MAZ: variants seen among roughly 807,000 people sequenced by gnomAD.
MAZ encodes the protein MYC associated zinc finger protein.
In MAZ, 4 loss-of-function variants were observed where a neutral mutation model predicts 32.7. That is an observed-to-expected ratio of 0.12 (90% CI 0.06 to 0.28). The LOEUF (loss-of-function observed/expected upper bound fraction) is 0.28, where lower values mean the gene tolerates loss of function less well. Ranked by LOEUF, MAZ falls within the 10% of genes least tolerant of loss-of-function variation. MAZ has a pLI of 1.00. For synonymous variants in MAZ, 510 were observed against 297.6 expected (o/e 1.71, Z -7.35); for missense variants, 763 against 667.2 (o/e 1.14, Z -1.58).
chr16:29,809,596 G>T (rs771661454), intron 4 of MAZ: 1 of 1,612,366 alleles, frequency 6.2e-7, no homozygotes, highest in Non-Finnish European at 8.5e-7. Context: ...CGGGCTCCAG[G>T]CCCCGCGGGC....
rs1162405307 is a variant in MAZ at position 29,809,248 on chromosome 16, C to T, written c.1279+507C>T. 2.2e-5 allele frequency: 12 copies of T among 534,020 alleles called. No individual in the cohort carries two copies. In the East Asian group the frequency reaches 3.3e-4, roughly 15 times the overall value. 33.1% of individuals were successfully genotyped at this position (534,020 alleles called of 1,614,324 possible). A position where few individuals can be genotyped will look rare whatever the true frequency, so the allele number is the denominator to read the frequency against. On this transcript the variant is annotated intron_variant, in intron 4 of 4. Transcript: ENST00000322945. ...CCGTCTCTGCTGAGGGTCAACCCTGCAAGTGGCTAGGAGTCAGTGTCTCGT... is the reference window on the plus strand; with the variant it reads ...CCGTCTCTGCTGAGGGTCAACCCTGTAAGTGGCTAGGAGTCAGTGTCTCGT...
intron 2 of MAZ, 167 bp from the exon 3 acceptor site, chr16:29,808,063 C>A (rs1405079586): frequency 5.1e-6 from 5 of 988,960 alleles, no homozygotes; most frequent in South Asian, 3.0e-5. Context: ...GCGGCGGCGG[C>A]GGCAGCGGCT....
Position 29,810,290 on chromosome 16 carries a change from C to T in MAZ, c.*59C>T, listed in dbSNP as rs538935150. On this transcript the variant is annotated 3_prime_UTR_variant, in exon 5 of 5. Transcript: ENST00000322945. ...GGAGTAGAGTCCCTTGGTACAAGCT[C>T]CTCTCCCCCCTCTTTTCCCACCAAC... 51 of 1,483,106 alleles carry T rather than the reference C, an allele frequency of 3.4e-5. No homozygotes were observed. The African/African-American group carries it at 3.5e-4, about 10-fold the overall frequency. 91.9% of individuals were successfully genotyped at this position (1,483,106 alleles called of 1,614,324 possible).
intron 4 of MAZ, chr16:29,809,080 C>G (rs1271489150): frequency 3.8e-6 from 2 of 524,326 alleles, no homozygotes; most frequent in Non-Finnish European, 3.3e-6. Context: ...AAGGTCTTGT[C>G]TCCAGCTCCT....
At chr16:29,806,948 C>G (rs1277054057) in intron 1 of MAZ, 30 bp from the exon 2 acceptor site, 2 of 1,135,746 alleles carry the variant, frequency 1.8e-6, no homozygotes, top group Non-Finnish European at 2.2e-6. Context: ...CGCCCGCACC[C>G]GCGGCCCACT....
chr16:29,810,163 G>A lies in MAZ; in HGVS notation c.1366G>A (p.Val456Met). 1 of 1,611,662 alleles carries A rather than the reference G, an allele frequency of 6.2e-7. No homozygotes were observed. Among genetic ancestry groups the A allele is most frequent in the Non-Finnish European group, 8.5e-7 (1 of 1,179,170 alleles). The change falls in exon 5 of 5, where the codon GTG becomes ATG. Residue 456 changes from valine to methionine, a missense_variant. Transcript: ENST00000322945. ...AGCAGTAGCAGCCCCTCCCACAGCT[G>A]TGGGCTCCCTCTCGGGGGCGGAGGG... is the stretch of plus-strand genomic sequence containing the variant. ...AAAVAAPPTAVGSLSGAEGVP... is the reference protein window; with the variant it reads ...AAAVAAPPTAMGSLSGAEGVP...
intron 4 of MAZ, chr16:29,809,577 G>C: frequency 1.2e-6 from 2 of 1,612,602 alleles, no homozygotes; most frequent in Non-Finnish European, 1.7e-6. Context: ...TCCACGCGGT[G>C]AAGGACCACG....
Position 29,807,358 on chromosome 16 carries a change from C to G in MAZ, c.573C>G (p.Ile191Met). 6.2e-7 allele frequency: 1 copy of G among 1,612,226 alleles called. No individual in the cohort carries two copies. Among genetic ancestry groups the G allele is most frequent in the South Asian group, 1.1e-5 (1 of 91,060 alleles). Residue 191 changes from isoleucine (I) to methionine (M), a missense_variant, in exon 2 of 5, where the codon ATC (isoleucine) becomes ATG (methionine). Physicochemically the swap from Ile to Met is conservative, Grantham distance 10. Coordinates refer to ENST00000322945, the MANE Select transcript of MAZ (RefSeq NM_002383.4). ...AGACAAAGAGCAAGGGGCCCTACAT[C>G]TGCGCTCTGTGCGCCAAGGAGTTCA... Reference protein sequence around the residue: ...EKKTKSKGPYICALCAKEFKN... With the variant: ...EKKTKSKGPYMCALCAKEFKN...
upstream of MAZ, chr16:29,806,252 C>A (rs1218434815): frequency 1.4e-5 from 3 of 214,320 alleles, no homozygotes; most frequent in Admixed American, 1.2e-4. Context: ...TCCCGTCCCA[C>A]CCCCCCTCCG....
At chr16:29,809,414 A>G in intron 4 of MAZ, 1 of 677,564 alleles carries the variant, frequency 1.5e-6, no homozygotes, top group South Asian at 1.6e-5. Context: ...GCCCCAGGCT[A>G]CCAAGGATAC....
At position 29,807,109 on chromosome 16, in the gene MAZ, C is replaced by A; in HGVS notation, c.324C>A (p.Ala108=). The change falls in exon 2 of 5, where the codon GCC becomes GCA. Residue 108 remains alanine, a synonymous_variant. Transcript: ENST00000322945. Reference sequence around the variant, plus strand: ...CGGCCGCTGCCGCCGCTGCTGCCGCCGTCGCTGCCGCGCCCCCGGCCCCTG... The same window carrying A: ...CGGCCGCTGCCGCCGCTGCTGCCGCAGTCGCTGCCGCGCCCCCGGCCCCTG... The part of the protein sequence containing the change: ...AAAAAAAAAA[A]VAAAPPAPAA... The A allele has an allele frequency of 1.0e-6, 1 of 994,016 alleles. No homozygotes were observed. Among genetic ancestry groups the A allele is most frequent in the African/African-American group, 1.8e-5 (1 of 57,098 alleles). 61.6% of individuals were successfully genotyped at this position (994,016 alleles called of 1,614,324 possible).
Position 29,809,090 on chromosome 16 carries a change from T to G in MAZ, c.1279+349T>G, listed in dbSNP as rs1899746054. On this transcript the variant is annotated intron_variant, in intron 4 of 4. Coordinates refer to ENST00000322945, the MANE Select transcript of MAZ (RefSeq NM_002383.4). ...GCCACAAGGTCTTGTCTCCAGCTCC[T>G]GGGGCAGGTGGAGTACACGGGCCGG... is the stretch of plus-strand genomic sequence containing the variant. 1.5e-5 allele frequency: 8 copies of G among 516,936 alleles called. No homozygotes were observed. The South Asian group carries it at 2.3e-4, about 15-fold the overall frequency. 32.0% of individuals were successfully genotyped at this position (516,936 alleles called of 1,614,324 possible).
chr16:29,810,706 G>T lies in MAZ; in HGVS notation c.*475G>T, dbSNP rs960078084. The T allele has an allele frequency of 2.2e-6, 1 of 448,446 alleles. No individual in the cohort carries two copies. Among genetic ancestry groups the T allele is most frequent in the South Asian group, 2.1e-5 (1 of 47,546 alleles). The allele number at this position is 448,446 out of a possible 1,614,324, so 27.8% of individuals were successfully genotyped here. The stretch of plus-strand genomic sequence containing the variant: ...GGGGAGGGAGGAGAGGAAGGAGGGG[G>T]ATCAGAGCTGTCCCAAAGAGGGAAA... On this transcript the variant is annotated 3_prime_UTR_variant, in exon 5 of 5. Transcript: ENST00000322945.
chr16:29,807,895 C>A, intron 2 of MAZ, 67 bp downstream of exon 2: 2 of 1,564,384 alleles, frequency 1.3e-6, no homozygotes, highest in Non-Finnish European at 1.7e-6. Flanking sequence ...GGTGGCCTGG[C>A]CGTGGCTGGC....
In MAZ at chr16:29,807,216, C is replaced by G; in HGVS notation, c.431C>G (p.Ala144Gly). 7.9e-7 allele frequency: 1 copy of G among 1,259,376 alleles called. No individual in the cohort carries two copies. The highest frequency in any genetic ancestry group is 1.0e-6 in the Non-Finnish European group (1 of 997,070). 78.0% of individuals were successfully genotyped at this position (1,259,376 alleles called of 1,614,324 possible). Residue 144 changes from alanine (A) to glycine (G), a missense_variant, in exon 2 of 5, where the codon GCG becomes GGG. Ala to Gly is a moderately conservative substitution (Grantham distance 60, BLOSUM62 0). Transcript: ENST00000322945. ...CCACCCCCGCCAGTGTCGGCGCCCG[C>G]GGCCGAGGCCGCGCCCCCCGCCTCC... ...PPPPPPVSAP[A>G]AEAAPPASAA...
chr16:29,808,315 G>T, intron 3 of MAZ, 22 bp downstream of exon 3: 1 of 1,609,574 alleles, frequency 6.2e-7, no homozygotes, highest in South Asian at 1.1e-5. Context: ...GCCTCCTCCT[G>T]TCTTGGTTTT....
chr16:29,806,862 C>T lies in MAZ; in HGVS notation c.161C>T (p.Ala54Val), dbSNP rs1260145252. Residue 54 changes from alanine (A) to valine (V), a missense_variant, in exon 1 of 5, where the codon GCC becomes GTC. Physicochemically the swap from Ala to Val is moderately conservative, Grantham distance 64 (BLOSUM62 0). Transcript: ENST00000322945. ...VGAELQSRFF[A>V]SQGCAQSPFQ... Reference sequence around the variant, plus strand: ...GCTGAGCTCCAGTCCCGCTTCTTTGCCTCCCAGGGCTGCGCCCAGAGTCCA... The same window carrying T: ...GCTGAGCTCCAGTCCCGCTTCTTTGTCTCCCAGGGCTGCGCCCAGAGTCCA... The T allele has an allele frequency of 4.8e-6, 7 of 1,446,534 alleles. No individual in the cohort carries two copies. The highest frequency in any genetic ancestry group is 5.5e-6 in the Non-Finnish European group (6 of 1,091,820). The allele number at this position is 1,446,534 out of a possible 1,614,324, so 89.6% of individuals were successfully genotyped here. A position where few individuals can be genotyped will look rare whatever the true frequency, so the allele number is the denominator to read the frequency against.
chr16:29,809,696 C>T (rs767766841), intron 4 of MAZ: 10 of 1,492,936 alleles, frequency 6.7e-6, no homozygotes, highest in South Asian at 1.3e-5. Flanking sequence ...GGGGGGGCCG[C>T]CCCCCCTGTC....
rs1004648374 is a variant in MAZ, at chr16:29,810,125, C to G, written c.1328C>G (p.Ala443Gly). The change falls in exon 5 of 5, where the codon GCG becomes GGG. Residue 443 changes from alanine to glycine, a missense_variant. Ala to Gly is a moderately conservative substitution (Grantham distance 60). Coordinates refer to ENST00000322945, the MANE Select transcript of MAZ (RefSeq NM_002383.4). ...GCGGCGGCAGCGGCAGCGGCGGCAGCGGCAGCAGCGGCAGCAGTAGCAGCC... is the reference window on the plus strand; with the variant it reads ...GCGGCGGCAGCGGCAGCGGCGGCAGGGGCAGCAGCGGCAGCAGTAGCAGCC... ...PMAAAAAAAA[A>G]AAAAAVAAPP... is the part of the protein sequence containing the mutation. 3 of 1,605,164 alleles carry G rather than the reference C, an allele frequency of 1.9e-6. No individual in the cohort carries two copies. Among genetic ancestry groups the G allele is most frequent in the African/African-American group, 1.3e-5 (1 of 74,494 alleles).
Sources: allele counts gnomAD v4.1 joint callset, GRCh38; gene constraint gnomAD v4.1.1; transcripts MANE v1.5; gene names NCBI Gene and HGNC (gene_info 2026-07-23, HGNC 2026-07-21).